HS2ST1: variants seen among roughly 807,000 people sequenced by gnomAD.
HS2ST1 encodes heparan sulfate 2-O-sulfotransferase 1, also known as 2-O-sulfotransferase.
HS2ST1 carries 18 observed loss-of-function variants against 42.9 expected under a neutral mutation model. The ratio of observed to expected loss-of-function variants is 0.42; its 90% CI spans 0.29 to 0.62. The LOEUF (loss-of-function observed/expected upper bound fraction) is 0.62, where lower values mean the gene tolerates loss of function less well. HS2ST1 is among the 20% of genes least tolerant of loss of function. The pLI is 0.21. For synonymous variants in HS2ST1, 146 were observed against 152.9 expected, an observed-to-expected ratio of 0.95 and a Z score of 0.33; for missense variants, 334 against 433.8, an observed-to-expected ratio of 0.77 and a Z score of 2.04.
intron 5 of HS2ST1, among the ~76,000 whole-genome samples, chr1:87,101,990 G>T (rs1460601698): frequency 6.6e-6 from 1 of 152,204 alleles, no homozygotes; most frequent in African/African-American, 2.4e-5. Flanking sequence ...TGAAGTGCGA[G>T]CAGGCACATC....
chr1:87,007,966 T>C (rs1354502095), intron 1 of HS2ST1, among the ~76,000 whole-genome samples: 1 of 152,186 alleles, frequency 6.6e-6, no homozygotes, highest in Non-Finnish European at 1.5e-5. Context: ...AAAGTTATTT[T>C]TTTAAAAAAT....
At chr1:86,977,689 G>A (rs953104923) in intron 1 of HS2ST1, among the ~76,000 whole-genome samples, 1 of 152,184 alleles carries the variant, frequency 6.6e-6, no homozygotes, top group Admixed American at 6.5e-5. Flanking sequence ...GAGAAAGCAA[G>A]GCAGTGTCAA....
At chr1:86,998,380 T>TA (rs1649167640) in intron 1 of HS2ST1, among the ~76,000 whole-genome samples, 1 of 152,186 alleles carries the variant, frequency 6.6e-6, no homozygotes, top group Non-Finnish European at 1.5e-5. Context: ...TTTAAAGTAA[T>TA]ATGCTTGTCT....
At chr1:87,024,601 A>T (rs545272081) in intron 1 of HS2ST1, among the ~76,000 whole-genome samples, 57 of 152,234 alleles carry the variant, frequency 3.7e-4, no homozygotes, top group African/African-American at 1.3e-3. Flanking sequence ...AAGAAACATA[A>T]CCTTTTAAAT....
intron 3 of HS2ST1, among the ~76,000 whole-genome samples, chr1:87,086,189 C>T (rs1651811800): frequency 6.6e-6 from 1 of 152,102 alleles, no homozygotes; most frequent in Non-Finnish European, 1.5e-5. Context: ...AGATTACAGT[C>T]GTTCCTGGGG....
intron 1 of HS2ST1, among the ~76,000 whole-genome samples, chr1:86,921,348 A>G (rs1021599475): frequency 6.6e-6 from 1 of 152,176 alleles, no homozygotes; most frequent in African/African-American, 2.4e-5. Context: ...GTATATGCAC[A>G]TTTAGGCTGT....
At position 86,931,715 on chromosome 1, in the gene HS2ST1, TC is replaced by T. The variant is rs1369452276; in HGVS notation, c.124+16557del. Among the ~76,000 whole-genome samples the T allele has an allele frequency of 2.6e-5, 4 of 152,238 alleles. No homozygotes were observed. In the South Asian group the frequency reaches 8.3e-4, roughly 32 times the overall value. On this transcript the variant is annotated intron_variant, in intron 1 of 6. Transcript: ENST00000370550. ...AGTTCAAGTAGTTTTCAATGCAGAA[TC>T]CATCAGTGTGGAACCTTATATAATG... is the stretch of plus-strand genomic sequence containing the variant.
At chr1:87,049,477 T>C (rs1022782520) in intron 1 of HS2ST1, among the ~76,000 whole-genome samples, 1 of 152,046 alleles carries the variant, frequency 6.6e-6, no homozygotes, top group Non-Finnish European at 1.5e-5. Context: ...TTTTGTTTTA[T>C]TAGGTTCAAA....
At chr1:87,054,198 T>G (rs1392036817) in intron 1 of HS2ST1, among the ~76,000 whole-genome samples, 1 of 152,206 alleles carries the variant, frequency 6.6e-6, no homozygotes. Flanking sequence ...ATAGGTCAAA[T>G]AGCCTATTTT....
chr1:86,954,384 G>T (rs978684324), intron 1 of HS2ST1, among the ~76,000 whole-genome samples: 1 of 152,104 alleles, frequency 6.6e-6, no homozygotes, highest in Non-Finnish European at 1.5e-5. Context: ...GTGCATTGAC[G>T]TGAAGTGCAA....
intron 2 of HS2ST1, among the ~76,000 whole-genome samples, chr1:87,081,387 A>C (rs1651683889): frequency 6.6e-6 from 1 of 152,238 alleles, no homozygotes; most frequent in Admixed American, 6.5e-5. Context: ...GTGGAATAAA[A>C]CTAGAAACCA....
chr1:87,096,860 A>G (rs1652081022), intron 4 of HS2ST1, among the ~76,000 whole-genome samples: 1 of 152,234 alleles, frequency 6.6e-6, no homozygotes, highest in African/African-American at 2.4e-5. Flanking sequence ...TCAAATAGCT[A>G]TAGTTTGGGA....
At chr1:86,949,166 T>A (rs1647427357) in intron 1 of HS2ST1, among the ~76,000 whole-genome samples, 1 of 152,210 alleles carries the variant, frequency 6.6e-6, no homozygotes, top group African/African-American at 2.4e-5. Flanking sequence ...CGGAGTGCAA[T>A]GCTGTGATCT....
chr1:86,972,995 A>T (rs1489856315), intron 1 of HS2ST1, among the ~76,000 whole-genome samples: 1 of 152,198 alleles, frequency 6.6e-6, no homozygotes, highest in Non-Finnish European at 1.5e-5. Flanking sequence ...AATATCACAG[A>T]AACAATATGT....
chr1:87,080,405 A>T (rs900320184), intron 2 of HS2ST1, among the ~76,000 whole-genome samples: 1 of 152,170 alleles, frequency 6.6e-6, no homozygotes, highest in African/African-American at 2.4e-5. Flanking sequence ...GAGATGGAGT[A>T]GTTTTGAACG....
intron 2 of HS2ST1, among the ~76,000 whole-genome samples, chr1:87,075,274 A>G (rs1300487484): frequency 1.4e-5 from 2 of 145,514 alleles, no homozygotes; most frequent in South Asian, 2.1e-4. Context: ...CGTTCAAGCA[A>G]TTCTGCCTCA....
At chr1:87,024,022 A>G (rs548995769) in intron 1 of HS2ST1, among the ~76,000 whole-genome samples, 81 of 152,322 alleles carry the variant, frequency 5.3e-4, no homozygotes, top group African/African-American at 1.9e-3. Flanking sequence ...CAAAAATAGA[A>G]CTAATGGATG....
At chr1:86,953,795 A>T (rs1174359263) in intron 1 of HS2ST1, among the ~76,000 whole-genome samples, 1 of 151,822 alleles carries the variant, frequency 6.6e-6, no homozygotes, top group African/African-American at 2.4e-5. Flanking sequence ...AGTGAATGAC[A>T]TGGGACTCTT....
chr1:86,945,960 C>T (rs1486817112), intron 1 of HS2ST1, among the ~76,000 whole-genome samples: 4 of 152,128 alleles, frequency 2.6e-5, no homozygotes, highest in Non-Finnish European at 5.9e-5. Context: ...AAATTCAAGT[C>T]TCCAAAACAA....
Sources: allele counts gnomAD v4.1 joint callset (sites outside exome capture counted in the v4.1 genomes callset), GRCh38; gene constraint gnomAD v4.1.1; transcripts MANE v1.5; gene names NCBI Gene and HGNC (gene_info 2026-07-23, HGNC 2026-07-21).